Variants in TMEM26 observed in about 807,000 individuals in gnomAD.
The protein encoded by TMEM26 is transmembrane protein 26.
TMEM26 carries 38 observed loss-of-function variants against 28.8 expected under a neutral mutation model. The ratio of observed to expected loss-of-function variants is 1.32; its 90% CI spans 1.02 to 1.73. TMEM26 has a LOEUF of 1.73. TMEM26 is among the 40% of genes most tolerant of loss of function. The pLI, the probability that TMEM26 is intolerant of heterozygous loss-of-function variation, is 0.00. For missense variants in TMEM26, 518 were observed against 447.1 expected, an observed-to-expected ratio of 1.16 and a Z score of -1.43; for synonymous variants, 227 against 182.9, an observed-to-expected ratio of 1.24 and a Z score of -1.95.
At chr10:61,444,415 A>G (rs890527290) in intron 1 of TMEM26, among the ~76,000 whole-genome samples, 3 of 152,168 alleles carry the variant, frequency 2.0e-5, no homozygotes, top group African/African-American at 7.2e-5. Context: ...AGATGATAGT[A>G]CTTATTTCTG....
At chr10:61,420,954 C>T (rs1328963505) in intron 4 of TMEM26, among the ~76,000 whole-genome samples, 1 of 151,488 alleles carries the variant, frequency 6.6e-6, no homozygotes, top group Non-Finnish European at 1.5e-5. Context: ...TTATATAGAA[C>T]AACAATTATA....
At chr10:61,432,608 C>G (rs975014022) in intron 2 of TMEM26, among the ~76,000 whole-genome samples, 1 of 152,026 alleles carries the variant, frequency 6.6e-6, no homozygotes, top group Non-Finnish European at 1.5e-5. Context: ...ACTACAACCA[C>G]CACACATCCA....
In TMEM26 at chr10:61,427,648, G is replaced by T. The variant is rs568398985; in HGVS notation, c.605+1278C>A. On this transcript the variant is annotated intron_variant, in intron 4 of 5. Coordinates refer to ENST00000399298, the MANE Select transcript of TMEM26 (RefSeq NM_178505.8). ...AGTTAGGCATTTCTTACAATTTTATGACTGGCCCCACAAAACATATCCCTC... is the reference window on the plus strand; with the variant it reads ...AGTTAGGCATTTCTTACAATTTTATTACTGGCCCCACAAAACATATCCCTC... 7.2e-5 allele frequency among the ~76,000 whole-genome samples: 11 copies of T among 152,124 alleles called. 1 individual carries two copies. In the South Asian group the frequency reaches 2.1e-3, roughly 29 times the overall value.
chr10:61,435,767 G>A (rs1004135650), intron 2 of TMEM26, among the ~76,000 whole-genome samples: 4 of 152,268 alleles, frequency 2.6e-5, no homozygotes, highest in South Asian at 2.1e-4. Flanking sequence ...ATTCCTAAAA[G>A]TGTCACTTTA....
chr10:61,446,633 A>G (rs952470631), intron 1 of TMEM26, among the ~76,000 whole-genome samples: 1 of 151,946 alleles, frequency 6.6e-6, no homozygotes, highest in Non-Finnish European at 1.5e-5. Flanking sequence ...ATCCTGGCCA[A>G]CATGGTGAAA....
intron 1 of TMEM26, among the ~76,000 whole-genome samples, chr10:61,447,285 GCACATATTAT>G: frequency 6.6e-6 from 1 of 152,276 alleles, no homozygotes; most frequent in Middle Eastern, 3.4e-3. Flanking sequence ...ATGGAGGAAA[GCACATATTAT>G]CACATACTAC....
chr10:61,452,861 T>C, intron 1 of TMEM26, 30 bp downstream of exon 1: 1 of 1,600,952 alleles, frequency 6.2e-7, no homozygotes, highest in East Asian at 2.2e-5. Flanking sequence ...TAGGGCCCCG[T>C]GCGCCCTCGC....
intron 2 of TMEM26, among the ~76,000 whole-genome samples, chr10:61,431,979 G>T (rs1016278831): frequency 6.6e-5 from 10 of 152,006 alleles, no homozygotes; most frequent in Non-Finnish European, 1.5e-4. Flanking sequence ...GAAACATGTG[G>T]TGTCTGATTT....
chr10:61,435,067 A>G (rs1053947486), intron 2 of TMEM26, among the ~76,000 whole-genome samples: 2 of 152,234 alleles, frequency 1.3e-5, no homozygotes, highest in Non-Finnish European at 2.9e-5. Context: ...CCAGAGTTGT[A>G]CAGGAACATC....
At chr10:61,416,484 A>C (rs1216078803) in intron 4 of TMEM26, among the ~76,000 whole-genome samples, 3 of 152,044 alleles carry the variant, frequency 2.0e-5, no homozygotes, top group Admixed American at 6.6e-5. Flanking sequence ...TGGATTATAT[A>C]ATAATTTTAT....
chr10:61,409,346 A>G lies in TMEM26; in HGVS notation c.*976T>C, dbSNP rs1244973359. 6.6e-6 allele frequency: 1 copy of G among 152,194 alleles called. No individual in the cohort carries two copies. The highest frequency in any genetic ancestry group is 1.5e-5 in the Non-Finnish European group (1 of 68,062). 9.4% of individuals were successfully genotyped at this position (152,194 alleles called of 1,614,324 possible). On this transcript the variant is annotated 3_prime_UTR_variant, in exon 6 of 6. Coordinates refer to ENST00000399298, the MANE Select transcript of TMEM26 (RefSeq NM_178505.8). Reference sequence around the variant, plus strand: ...GGAGCTGATGCAACCCTCCATCACCATGTTCCCTGAGAGCAAAGGCCACTT... The same window carrying G: ...GGAGCTGATGCAACCCTCCATCACCGTGTTCCCTGAGAGCAAAGGCCACTT...
intron 4 of TMEM26, among the ~76,000 whole-genome samples, chr10:61,423,420 A>T (rs768679339): frequency 6.6e-5 from 10 of 152,224 alleles, no homozygotes; most frequent in Non-Finnish European, 1.5e-4. Flanking sequence ...TCATAAGCAA[A>T]TGTTAGCAAG....
At chr10:61,448,134 T>C (rs1043486563) in intron 1 of TMEM26, among the ~76,000 whole-genome samples, 1 of 152,246 alleles carries the variant, frequency 6.6e-6, no homozygotes, top group Admixed American at 6.5e-5. Flanking sequence ...CAGAGAAAAC[T>C]ACTCAAGGTT....
chr10:61,416,489 T>C (rs945623399), intron 4 of TMEM26, among the ~76,000 whole-genome samples: 8 of 152,146 alleles, frequency 5.3e-5, no homozygotes, highest in African/African-American at 1.9e-4. Flanking sequence ...TATATAATAA[T>C]TTTATTAAGT....
intron 1 of TMEM26, among the ~76,000 whole-genome samples, chr10:61,439,628 T>G (rs182066788): frequency 2.1e-4 from 32 of 152,328 alleles, no homozygotes; most frequent in Non-Finnish European, 3.1e-4. Context: ...GAATCCTGCC[T>G]TTTCCATGCA....
At chr10:61,416,187 T>G in intron 4 of TMEM26, 1 of 419,740 alleles carries the variant, frequency 2.4e-6, no homozygotes, top group Non-Finnish European at 4.7e-6. Context: ...AAGAAATTTT[T>G]CACAAGATCT....
chr10:61,442,376 A>T (rs931932518), intron 1 of TMEM26, among the ~76,000 whole-genome samples: 1 of 152,204 alleles, frequency 6.6e-6, no homozygotes, highest in African/African-American at 2.4e-5. Flanking sequence ...TTTTATTAAC[A>T]AATAACAGTA....
rs892247706 is a variant in TMEM26, at chr10:61,409,329, T to G, written c.*993A>C. 6.6e-6 allele frequency: 1 copy of G among 152,246 alleles called. No homozygotes were observed. Among genetic ancestry groups the G allele is most frequent in the African/African-American group, 2.4e-5 (1 of 41,462 alleles). 9.4% of individuals were successfully genotyped at this position (152,246 alleles called of 1,614,324 possible). ...GGCTGTTGGCCATGGGTGGAGCTGA[T>G]GCAACCCTCCATCACCATGTTCCCT... On this transcript the variant is annotated 3_prime_UTR_variant, in exon 6 of 6. Coordinates refer to ENST00000399298, the MANE Select transcript of TMEM26 (RefSeq NM_178505.8).
intron 4 of TMEM26, chr10:61,415,227 T>C (rs1430798529): frequency 2.3e-6 from 2 of 865,674 alleles, no homozygotes; most frequent in Non-Finnish European, 1.4e-6. Flanking sequence ...GGCTCAAAGA[T>C]TTTCCCTAAT....
Sources: allele counts gnomAD v4.1 joint callset (sites outside exome capture counted in the v4.1 genomes callset), GRCh38; gene constraint gnomAD v4.1.1; transcripts MANE v1.5; gene names NCBI Gene and HGNC (gene_info 2026-07-23, HGNC 2026-07-21).